DACH1: variants seen among roughly 807,000 people sequenced by gnomAD.
DACH1 encodes the protein dachshund family transcription factor 1, also known as dachshund homolog 1.
Under a neutral mutation model 54.2 loss-of-function variants are expected in DACH1, and 12 were observed. The observed-to-expected ratio is 0.22, with a 90% confidence interval of 0.14 to 0.36. The LOEUF is 0.36. Among genes scored for constraint, DACH1 ranks in the 10% least tolerant of loss-of-function variants. The probability of loss-of-function intolerance (pLI) is 1.00; values close to 1 mark genes in which losing one functional copy is unlikely to be tolerated. For synonymous variants in DACH1, 386 were observed against 366.2 expected, an observed-to-expected ratio of 1.05 and a Z score of -0.62; for missense variants, 805 against 929.8, an observed-to-expected ratio of 0.87 and a Z score of 1.75.
chr13:71,779,110 TACATATATACACATATATACATATATAC>T (rs1886198078), intron 1 of DACH1, among the ~76,000 whole-genome samples: 1 of 127,632 alleles, frequency 7.8e-6, no homozygotes, highest in African/African-American at 3.3e-5. Flanking sequence ...TATATATATA[TACATATATACACATATATACATATATAC>T]ACATATATAC....
At chr13:71,467,818 T>A (rs1173613320) in intron 10 of DACH1, among the ~76,000 whole-genome samples, 1 of 152,122 alleles carries the variant, frequency 6.6e-6, no homozygotes, top group Non-Finnish European at 1.5e-5. Context: ...AATTTATTGT[T>A]TTGTTTTGTT....
chr13:71,445,331 A>G (rs957762691), intron 10 of DACH1, among the ~76,000 whole-genome samples: 1 of 152,222 alleles, frequency 6.6e-6, no homozygotes, highest in African/African-American at 2.4e-5. Context: ...TTTCATAAGC[A>G]TCTTTACCAT....
At chr13:71,832,711 T>A (rs188520342) in intron 1 of DACH1, among the ~76,000 whole-genome samples, 12 of 152,020 alleles carry the variant, frequency 7.9e-5, no homozygotes, top group Admixed American at 6.6e-4. Context: ...AAATAAGACA[T>A]CTTCTACTAC....
At chr13:71,803,912 C>T (rs1451830194) in intron 1 of DACH1, among the ~76,000 whole-genome samples, 1 of 152,078 alleles carries the variant, frequency 6.6e-6, no homozygotes, top group Non-Finnish European at 1.5e-5. Context: ...TGTGTTTGTG[C>T]CTAGGACTGG....
intron 6 of DACH1, among the ~76,000 whole-genome samples, chr13:71,555,730 A>C (rs933609629): frequency 6.6e-6 from 1 of 152,156 alleles, no homozygotes; most frequent in Non-Finnish European, 1.5e-5. Flanking sequence ...TGGATAATAT[A>C]CATGACATTC....
chr13:71,452,050 T>A (rs1368563801), intron 10 of DACH1, among the ~76,000 whole-genome samples: 1 of 152,186 alleles, frequency 6.6e-6, no homozygotes, highest in Non-Finnish European at 1.5e-5. Flanking sequence ...TTGATGAATC[T>A]TGGTAAAGAA....
At position 71,497,223 on chromosome 13, in the gene DACH1, T is replaced by C. The variant is rs1414116007; in HGVS notation, c.1571-8075A>G. Among the ~76,000 whole-genome samples the C allele has an allele frequency of 2.0e-5, 3 of 152,206 alleles. No homozygotes were observed. In the East Asian group the frequency reaches 5.8e-4, roughly 29 times the overall value. ...TTAATATAAAGTATGAATGGATGAATAATTAACAAATAATCCAATCAATTA... is the reference window on the plus strand; with the variant it reads ...TTAATATAAAGTATGAATGGATGAACAATTAACAAATAATCCAATCAATTA... On this transcript the variant is annotated intron_variant, in intron 6 of 10. Transcript: ENST00000613252.
intron 3 of DACH1, among the ~76,000 whole-genome samples, chr13:71,621,607 GA>G (rs1399991742): frequency 1.3e-5 from 2 of 152,056 alleles, no homozygotes; most frequent in Non-Finnish European, 1.5e-5. Context: ...GTGCAACATA[GA>G]AAAAAATCAT....
At chr13:71,646,420 T>C (rs1878276414) in intron 2 of DACH1, among the ~76,000 whole-genome samples, 2 of 152,034 alleles carry the variant, frequency 1.3e-5, no homozygotes, top group Middle Eastern at 3.4e-3. Flanking sequence ...AATTGTTTTC[T>C]TCAGCCACTC....
Position 71,816,249 on chromosome 13 carries a change from C to T in DACH1, c.848+49673G>A, listed in dbSNP as rs116195057. On this transcript the variant is annotated intron_variant, in intron 1 of 10. Transcript: ENST00000613252. ...GGGGTTTCTTTGGAAATGGCACTAT[C>T]TTGCTAAATGTGACAGATATAAGGA... Among the ~76,000 whole-genome samples the T allele has an allele frequency of 5.1e-3, 769 of 152,124 alleles. 11 individuals are homozygous for T. Among genetic ancestry groups the T allele is most frequent in the African/African-American group, 0.018 (741 of 41,514 alleles).
At chr13:71,687,751 G>A (rs1215363723) in intron 1 of DACH1, among the ~76,000 whole-genome samples, 5 of 152,238 alleles carry the variant, frequency 3.3e-5, no homozygotes, top group African/African-American at 1.2e-4. Context: ...TGGGACTACA[G>A]GCACACACCA....
intron 1 of DACH1, among the ~76,000 whole-genome samples, chr13:71,843,398 G>A (rs1250026025): frequency 6.6e-6 from 1 of 152,090 alleles, no homozygotes; most frequent in African/African-American, 2.4e-5. Flanking sequence ...TCTAGTAGCT[G>A]GGACCACAGG....
At chr13:71,496,524 C>T (rs2138221395) in intron 6 of DACH1, among the ~76,000 whole-genome samples, 1 of 151,552 alleles carries the variant, frequency 6.6e-6, no homozygotes, top group Middle Eastern at 3.4e-3. Flanking sequence ...TGTACAAGGA[C>T]ATAGAGTGTA....
intron 2 of DACH1, among the ~76,000 whole-genome samples, chr13:71,635,379 A>G (rs751209146): frequency 2.2e-4 from 34 of 152,124 alleles, no homozygotes; most frequent in Admixed American, 4.6e-4. Flanking sequence ...CCCTGATGTA[A>G]TTCTCAAATC....
At chr13:71,646,707 T>C (rs17088363) in intron 2 of DACH1, among the ~76,000 whole-genome samples, 9,129 of 152,204 alleles carry the variant, frequency 0.06, 421 homozygotes, top group African/African-American at 0.11. Flanking sequence ...AAATAGAAAA[T>C]CCTCCGTACT....
intron 3 of DACH1, among the ~76,000 whole-genome samples, chr13:71,591,327 T>A (rs991074871): frequency 4.6e-5 from 7 of 152,182 alleles, no homozygotes; most frequent in African/African-American, 1.7e-4. Context: ...TCATGAGCTT[T>A]TTTTATAATC....
intron 10 of DACH1, among the ~76,000 whole-genome samples, chr13:71,444,485 C>G (rs1243047536): frequency 6.6e-6 from 1 of 152,006 alleles, no homozygotes; most frequent in Non-Finnish European, 1.5e-5. Context: ...CCACAGAATT[C>G]AAATTTCATT....
intron 1 of DACH1, chr13:71,845,921 C>T (rs1373488229): frequency 6.4e-6 from 1 of 155,392 alleles, no homozygotes; most frequent in Non-Finnish European, 1.4e-5. Context: ...ATTTTTCAGT[C>T]TTTTCCCGCC....
At chr13:71,711,368 T>C (rs995805439) in intron 1 of DACH1, among the ~76,000 whole-genome samples, 3 of 152,166 alleles carry the variant, frequency 2.0e-5, no homozygotes, top group African/African-American at 2.4e-5. Context: ...TGAAGGTTTT[T>C]AACATCTAAG....
Sources: allele counts gnomAD v4.1 joint callset (sites outside exome capture counted in the v4.1 genomes callset), GRCh38; gene constraint gnomAD v4.1.1; transcripts MANE v1.5; gene names NCBI Gene and HGNC (gene_info 2026-07-23, HGNC 2026-07-21).